Variants in OR51B5 observed in about 807,000 individuals in gnomAD.
The protein encoded by OR51B5 is olfactory receptor family 51 subfamily B member 5, also known as olfactory receptor 51B5.
For synonymous variants in OR51B5, 186 were observed against 144.8 expected, an observed-to-expected ratio of 1.28 and a Z score of -2.04; for missense variants, 456 against 374.6, an observed-to-expected ratio of 1.22 and a Z score of -1.79.
chr11:5,406,656 TG>T (rs1389352478), intron 1 of OR51B5, among the ~76,000 whole-genome samples: 1 of 152,146 alleles, frequency 6.6e-6, no homozygotes, highest in East Asian at 1.9e-4. Context: ...AATATGAGTT[TG>T]TTTCAAGCCA....
intron 1 of OR51B5, among the ~76,000 whole-genome samples, chr11:5,363,769 T>G (rs1038059883): frequency 3.3e-5 from 5 of 152,162 alleles, no homozygotes; most frequent in Admixed American, 1.3e-4. Context: ...TTCATGAGGA[T>G]TCTATTAAAA....
chr11:5,472,635 C>T (rs994219884), intron 1 of OR51B5, among the ~76,000 whole-genome samples: 1 of 152,176 alleles, frequency 6.6e-6, no homozygotes, highest in Non-Finnish European at 1.5e-5. Flanking sequence ...GCCATTTCTC[C>T]CACTTAGAAG....
At chr11:5,414,100 C>T (rs967585014) in intron 1 of OR51B5, among the ~76,000 whole-genome samples, 2 of 151,952 alleles carry the variant, frequency 1.3e-5, no homozygotes, top group African/African-American at 4.8e-5. Context: ...AGAAACTCTA[C>T]AAGCCAGAAG....
intron 1 of OR51B5, among the ~76,000 whole-genome samples, chr11:5,438,654 C>T (rs1564813351): frequency 6.6e-6 from 1 of 152,040 alleles, no homozygotes; most frequent in African/African-American, 2.4e-5. Flanking sequence ...GGGCATAAGT[C>T]AAGAAAAACT....
chr11:5,503,981 TCATC>T (rs149930487), intron 1 of OR51B5, among the ~76,000 whole-genome samples: 2,848 of 152,308 alleles, frequency 0.019, 76 homozygotes, highest in African/African-American at 0.062. Flanking sequence ...TCAGCTGCCC[TCATC>T]CATAAACTAG....
intron 1 of OR51B5, among the ~76,000 whole-genome samples, chr11:5,417,300 G>C (rs375299486): frequency 4.0e-5 from 6 of 150,082 alleles, no homozygotes; most frequent in South Asian, 2.1e-4. Context: ...AGACTTAAAC[G>C]TTAGACCTAA....
intron 1 of OR51B5, among the ~76,000 whole-genome samples, chr11:5,360,057 G>A (rs1849256751): frequency 6.6e-6 from 1 of 152,012 alleles, no homozygotes; most frequent in Non-Finnish European, 1.5e-5. Context: ...GAAAACCTAG[G>A]CAATACCATT....
At chr11:5,453,105 C>A (rs1238367954) in intron 1 of OR51B5, among the ~76,000 whole-genome samples, 2 of 152,202 alleles carry the variant, frequency 1.3e-5, no homozygotes, top group African/African-American at 4.8e-5. Flanking sequence ...TCCTGACTTT[C>A]TTCTCTTGTG....
At chr11:5,462,436 G>C (rs527282878) in intron 1 of OR51B5, among the ~76,000 whole-genome samples, 47 of 152,176 alleles carry the variant, frequency 3.1e-4, no homozygotes, top group Non-Finnish European at 5.3e-4. Context: ...CTGACCATCA[G>C]CCTCATTTTC....
chr11:5,469,782 C>T (rs1398702919), intron 1 of OR51B5, among the ~76,000 whole-genome samples: 1 of 152,166 alleles, frequency 6.6e-6, no homozygotes, highest in African/African-American at 2.4e-5. Context: ...TCATAGCCAT[C>T]AGTTTCTTCC....
chr11:5,352,645 T>C (rs760471353), intron 1 of OR51B5, among the ~76,000 whole-genome samples: 2 of 152,108 alleles, frequency 1.3e-5, no homozygotes, highest in Non-Finnish European at 2.9e-5. Flanking sequence ...ATAAGATATA[T>C]GTACAACACT....
intron 1 of OR51B5, among the ~76,000 whole-genome samples, chr11:5,450,087 G>A (rs903679950): frequency 3.3e-5 from 5 of 152,084 alleles, no homozygotes; most frequent in Admixed American, 6.5e-5. Flanking sequence ...CTCAGAGAAT[G>A]TCCTTAAAAA....
At chr11:5,430,966 G>A (rs1564811206) in intron 1 of OR51B5, 1 of 456,998 alleles carries the variant, frequency 2.2e-6, no homozygotes. Flanking sequence ...GATAAGCAAT[G>A]AGTCCAGCCC....
Position 5,461,098 on chromosome 11 carries a change from G to A in OR51B5, n.84+44471C>T, listed in dbSNP as rs377165760. Reference sequence around the variant, plus strand: ...ACGTGTGTGCTGGCTGCAGCTGGGGGGCTGCGTGTGAGGGTGCACAAGCGG... The same window carrying A: ...ACGTGTGTGCTGGCTGCAGCTGGGGAGCTGCGTGTGAGGGTGCACAAGCGG... On this transcript the variant is annotated intron_variant and non_coding_transcript_variant, in intron 1 of 4. Coordinates refer to the OR51B5 transcript ENST00000415970. Among the ~76,000 whole-genome samples the A allele has an allele frequency of 5.3e-5, 8 of 152,064 alleles. No homozygotes were observed. In the East Asian group the frequency reaches 1.4e-3, roughly 26 times the overall value.
chr11:5,383,274 C>A (rs905318862), intron 1 of OR51B5, among the ~76,000 whole-genome samples: 3 of 152,038 alleles, frequency 2.0e-5, no homozygotes, highest in Admixed American at 6.6e-5. Context: ...ATTGAATATG[C>A]AAGATTGACT....
chr11:5,480,531 G>C (rs1410271098), intron 1 of OR51B5, among the ~76,000 whole-genome samples: 1 of 150,378 alleles, frequency 6.6e-6, no homozygotes, highest in African/African-American at 2.4e-5. Context: ...AGGAAATAGA[G>C]ACACAAAAAA....
At chr11:5,352,147 T>G (rs201843039) in intron 1 of OR51B5, 16 of 1,614,088 alleles carry the variant, frequency 9.9e-6, no homozygotes, top group African/African-American at 1.3e-5. Context: ...CATCATCTTT[T>G]TCTCCTACAT....
chr11:5,346,130 A>T (rs1021447920), upstream of OR51B5: 1 of 152,178 alleles, frequency 6.6e-6, no homozygotes, highest in Admixed American at 6.5e-5. Context: ...ATCAGAGAAT[A>T]TGCAGCACAA....
At chr11:5,361,722 G>C (rs924876633) in intron 1 of OR51B5, among the ~76,000 whole-genome samples, 2 of 150,836 alleles carry the variant, frequency 1.3e-5, no homozygotes, top group Admixed American at 1.3e-4. Context: ...GAAAATCCTA[G>C]ATCTCCTTTT....
Sources: gnomAD v4.1 joint callset for allele counts (sites outside exome capture counted in the v4.1 genomes callset) on GRCh38, gnomAD v4.1.1 for gene constraint, MANE v1.5 for transcripts, NCBI Gene and HGNC (gene_info 2026-07-23, HGNC 2026-07-21) for gene names.